The following POU6F2 variants were observed in gnomAD, a reference collection of about 807,000 sequenced individuals.
The protein encoded by POU6F2 is POU domain, class 6, transcription factor 2.
POU6F2 carries 31 observed loss-of-function variants against 71.3 expected under a neutral mutation model. That is an observed-to-expected ratio of 0.43 (90% confidence interval 0.33 to 0.59). The LOEUF is 0.59. Among genes scored for constraint, POU6F2 ranks in the 20% least tolerant of loss-of-function variants. The pLI is 0.04. For missense variants in POU6F2, 783 were observed against 856.8 expected (o/e 0.91, Z 1.07); for synonymous variants, 347 against 355.7 (o/e 0.98, Z 0.27).
intron 2 of POU6F2, among the ~76,000 whole-genome samples, chr7:39,156,616 T>A (rs1792875411): frequency 6.6e-6 from 1 of 152,208 alleles, no homozygotes; most frequent in South Asian, 2.1e-4. Flanking sequence ...CATGGAGGAC[T>A]TCCTTCTAGA....
chr7:39,432,776 A>G (rs1788138168), intron 6 of POU6F2, among the ~76,000 whole-genome samples: 1 of 152,128 alleles, frequency 6.6e-6, no homozygotes, highest in Non-Finnish European at 1.5e-5. Flanking sequence ...TTCTGAGAGA[A>G]AGCAGATGTC....
rs74853452 is a variant in POU6F2, at chr7:39,210,830, C to A, written c.598+3210C>A. 5.4e-3 allele frequency among the ~76,000 whole-genome samples: 829 copies of A among 152,264 alleles called. 10 individuals carry two copies. The highest frequency in any genetic ancestry group is 0.019 in the African/African-American group (795 of 41,550). ...ACATTAAAGTTTAAGAAATGCTGATCTAGGGAGATTATTCAAAGTTCATTA... is the reference window on the plus strand; with the variant it reads ...ACATTAAAGTTTAAGAAATGCTGATATAGGGAGATTATTCAAAGTTCATTA... On this transcript the variant is annotated intron_variant, in intron 4 of 9. Transcript: ENST00000518318.
chr7:39,386,677 AT>A (rs1354889979), intron 5 of POU6F2, among the ~76,000 whole-genome samples: 1 of 152,266 alleles, frequency 6.6e-6, no homozygotes, highest in East Asian at 1.9e-4. Flanking sequence ...GTCCCACTTT[AT>A]TTTATTTATA....
At chr7:39,413,751 A>G (rs1186047376) in intron 6 of POU6F2, among the ~76,000 whole-genome samples, 1 of 152,176 alleles carries the variant, frequency 6.6e-6, no homozygotes, top group East Asian at 1.9e-4. Context: ...TGGGATTAGT[A>G]ACATTATAGG....
rs62443962 is a variant in POU6F2 at position 39,206,491 on chromosome 7, T to C, written c.370-901T>C. Among the ~76,000 whole-genome samples, 6 of 152,338 alleles carry C rather than the reference T, an allele frequency of 3.9e-5. No individual in the cohort carries two copies. The East Asian group carries it at 9.6e-4, about 24-fold the overall frequency. On this transcript the variant is annotated intron_variant, in intron 3 of 9. Coordinates refer to ENST00000518318, the MANE Select transcript of POU6F2 (RefSeq NM_001370959.1). ...TCAAAGATTTTAAGTTTTATCCACATCAAATATTTTTATGTCTTACATTCT... is the reference window on the plus strand; with the variant it reads ...TCAAAGATTTTAAGTTTTATCCACACCAAATATTTTTATGTCTTACATTCT...
intron 5 of POU6F2, among the ~76,000 whole-genome samples, chr7:39,340,299 G>A (rs1351071263): frequency 6.6e-6 from 1 of 152,200 alleles, no homozygotes; most frequent in Admixed American, 6.5e-5. Context: ...TTTGGAGCCT[G>A]TAATAATTCC....
intron 1 of POU6F2, among the ~76,000 whole-genome samples, chr7:39,017,065 T>C (rs1451853706): frequency 2.0e-5 from 3 of 152,142 alleles, no homozygotes; most frequent in Non-Finnish European, 2.9e-5. Flanking sequence ...ACAACTTCTA[T>C]TTTATCATGT....
intron 2 of POU6F2, among the ~76,000 whole-genome samples, chr7:39,165,467 T>G (rs1793094603): frequency 6.6e-6 from 1 of 152,188 alleles, no homozygotes; most frequent in African/African-American, 2.4e-5. Context: ...TTTTATTGTT[T>G]CAAAAGTCGT....
chr7:38,997,996 A>G (rs568954972), intron 1 of POU6F2, among the ~76,000 whole-genome samples: 21 of 152,268 alleles, frequency 1.4e-4, no homozygotes, highest in Admixed American at 1.3e-3. Flanking sequence ...CACAACTCTC[A>G]AGCCACTTTT....
At chr7:39,459,213 A>T (rs939104700) in intron 8 of POU6F2, among the ~76,000 whole-genome samples, 4 of 152,206 alleles carry the variant, frequency 2.6e-5, no homozygotes, top group African/African-American at 7.2e-5. Context: ...CAACAAAATT[A>T]TGAGTAATGA....
At chr7:39,445,540 A>G (rs1788504965) in intron 7 of POU6F2, among the ~76,000 whole-genome samples, 1 of 151,348 alleles carries the variant, frequency 6.6e-6, no homozygotes, top group Non-Finnish European at 1.5e-5. Context: ...GTCTGGATCC[A>G]CTCTCCCTCC....
chr7:39,428,092 A>G (rs1310211965), intron 6 of POU6F2, among the ~76,000 whole-genome samples: 1 of 152,220 alleles, frequency 6.6e-6, no homozygotes, highest in East Asian at 1.9e-4. Context: ...ACTGCAAGCT[A>G]ATCTTCATTA....
intron 5 of POU6F2, among the ~76,000 whole-genome samples, chr7:39,396,541 A>G (rs1357900245): frequency 2.0e-5 from 3 of 152,110 alleles, no homozygotes; most frequent in Admixed American, 2.0e-4. Flanking sequence ...GCTCATGGAG[A>G]GTCCCCTCTG....
chr7:39,372,169 C>T (rs1389884542), intron 5 of POU6F2, among the ~76,000 whole-genome samples: 2 of 152,192 alleles, frequency 1.3e-5, no homozygotes, highest in Admixed American at 6.5e-5. Context: ...AGTCCTCTGG[C>T]TTTAGCCTCC....
intron 5 of POU6F2, among the ~76,000 whole-genome samples, chr7:39,384,852 CAA>C (rs1193481244): frequency 6.6e-6 from 1 of 152,136 alleles, no homozygotes; most frequent in East Asian, 1.9e-4. Context: ...AGAATGGAAG[CAA>C]AATTATTGAG....
intron 2 of POU6F2, among the ~76,000 whole-genome samples, chr7:39,154,744 G>C (rs1324453650): frequency 6.6e-6 from 1 of 151,928 alleles, no homozygotes; most frequent in East Asian, 1.9e-4. Flanking sequence ...TGACAACTGG[G>C]GAAGAGAATA....
intron 4 of POU6F2, among the ~76,000 whole-genome samples, chr7:39,331,314 T>C (rs1411365169): frequency 4.6e-5 from 7 of 152,212 alleles, no homozygotes; most frequent in East Asian, 1.9e-4. Context: ...CTAGATTATA[T>C]AGTAGTTCCA....
At chr7:39,248,357 G>A (rs2128752371) in intron 4 of POU6F2, among the ~76,000 whole-genome samples, 1 of 152,220 alleles carries the variant, frequency 6.6e-6, no homozygotes, top group East Asian at 1.9e-4. Flanking sequence ...TGATCAGGGA[G>A]ATAATAAAAT....
chr7:39,392,218 A>T (rs897957146), intron 5 of POU6F2, among the ~76,000 whole-genome samples: 29 of 152,214 alleles, frequency 1.9e-4, no homozygotes, highest in Non-Finnish European at 4.0e-4. Flanking sequence ...GAAGAACCTT[A>T]AAAAATTATC....
Sources: allele counts gnomAD v4.1 joint callset (sites outside exome capture counted in the v4.1 genomes callset), GRCh38; gene constraint gnomAD v4.1.1; transcripts MANE v1.5; gene names NCBI Gene and HGNC (gene_info 2026-07-23, HGNC 2026-07-21).